IRF3: variants seen among roughly 807,000 people sequenced by gnomAD.
IRF3 encodes interferon regulatory factor 3.
A neutral mutation model predicts 43.2 loss-of-function variants in IRF3; 29 were observed. That is an observed-to-expected ratio of 0.67 (90% CI 0.50 to 0.91). The LOEUF is 0.91. IRF3 is among the 40% of genes least tolerant of loss of function. IRF3 has a pLI of 0.00. For synonymous variants in IRF3, 228 were observed against 233.9 expected (o/e 0.97, Z 0.23); for missense variants, 505 against 559.1 (o/e 0.90, Z 0.98).
intron 2 of IRF3, chr19:49,664,382 C>A: frequency 8.0e-7 from 1 of 1,256,894 alleles, no homozygotes; most frequent in Non-Finnish European, 1.1e-6. Flanking sequence ...ATCCTACAAC[C>A]AAGAGCCCCG....
In IRF3 at chr19:49,661,899, T is replaced by C. The variant is rs1235466525; in HGVS notation, c.982+49A>G. 3.2e-6 allele frequency: 5 copies of C among 1,546,390 alleles called. No homozygotes were observed. In the Admixed American group the frequency reaches 9.5e-5, roughly 29 times the overall value. ...CGGCCAATCCTGAGTTGTTAACCAC[T>C]GTGCAGGCTGCTTTGTACTGGCCAG... On this transcript the variant is annotated intron_variant, in intron 6 of 7. Coordinates refer to ENST00000377139, the MANE Select transcript of IRF3 (RefSeq NM_001571.6).
intron 6 of IRF3, 122 bp downstream of exon 6, chr19:49,661,826 A>C (rs887594012): frequency 1.7e-6 from 2 of 1,199,418 alleles, no homozygotes; most frequent in African/African-American, 3.0e-5. Context: ...TCATCTGCCC[A>C]CCTCAGCCTC....
rs554444747 is a variant in IRF3 at position 49,662,347 on chromosome 19, G to A, written c.602-19C>T. 11 of 1,611,236 alleles carry A rather than the reference G, an allele frequency of 6.8e-6. No individual in the cohort carries two copies. The highest frequency in any genetic ancestry group is 1.7e-4 in the Middle Eastern group (1 of 6,050). ...TCCCACTCTGAGCAGCGGCAGCAGCGGCATGAAGGGGAGAGGGGTTGAGAA... is the reference window on the plus strand; with the variant it reads ...TCCCACTCTGAGCAGCGGCAGCAGCAGCATGAAGGGGAGAGGGGTTGAGAA... On this transcript the variant is annotated intron_variant, in intron 5 of 7. Transcript: ENST00000377139.
intron 2 of IRF3, 28 bp downstream of exon 2, chr19:49,664,646 T>G: frequency 4.3e-6 from 7 of 1,610,296 alleles, no homozygotes; most frequent in Non-Finnish European, 5.9e-6. Context: ...AGCTCCGGGT[T>G]TCCAGCGTCC....
rs1555753000 is a variant in IRF3 at position 49,660,028 on chromosome 19, C to CACACACACACACA, written c.1099-196_1099-195insTGTGTGTGTGTGT. On this transcript the variant is annotated intron_variant, in intron 7 of 7. Coordinates refer to ENST00000377139, the MANE Select transcript of IRF3 (RefSeq NM_001571.6). ...ACACACACACACACACACACACACA[C>CACACACACACACA]CCCCTGCTGTAACTGAACCATAGGC... is the stretch of plus-strand genomic sequence containing the variant. Among the ~76,000 whole-genome samples, 591 of 109,842 alleles carry CACACACACACACA rather than the reference C, an allele frequency of 5.4e-3. 35 individuals carry two copies. The highest frequency in any genetic ancestry group is 0.013 in the Middle Eastern group (3 of 234). The allele number at this position is 109,842 out of a possible 152,430, so 72.1% of individuals were successfully genotyped here.
At chr19:49,664,174 TTTTC>T (rs2081508962) in intron 2 of IRF3, among the ~76,000 whole-genome samples, 1 of 152,090 alleles carries the variant, frequency 6.6e-6, no homozygotes. Context: ...CCCAAAAACC[TTTTC>T]TTTCTAAGCC....
At position 49,659,983 on chromosome 19, in the gene IRF3, T is replaced by TTACACACACACACA. The variant is rs1427202375; in HGVS notation, c.1099-164_1099-151dup. The TTACACACACACACA allele has an allele frequency of 4.8e-4, 190 of 392,358 alleles. 3 individuals carry two copies. The highest frequency in any genetic ancestry group is 3.4e-3 in the African/African-American group (58 of 17,058). The allele number at this position is 392,358 out of a possible 1,614,324, so 24.3% of individuals were successfully genotyped here. A position where few individuals can be genotyped will look rare whatever the true frequency, so the allele number is the denominator to read the frequency against. The stretch of plus-strand genomic sequence containing the variant: ...CCTAGGGCTGCTGGGAGTTGTAGTT[T>TTACACACACACACA]TACACACACACACACACACACACAC... On this transcript the variant is annotated intron_variant, in intron 7 of 7. Coordinates refer to ENST00000377139, the MANE Select transcript of IRF3 (RefSeq NM_001571.6).
chr19:49,659,741 G>C lies in IRF3; in HGVS notation c.1191C>G (p.Asn397Lys), dbSNP rs147048613. ...CGGAGGTGAGGGAGAGTGGGTGGCT[G>C]TTGGAAATGTGCAGGTCCACAGTAT... Reference protein sequence around the residue: ...LENTVDLHISNSHPLSLTSDQ... With the variant: ...LENTVDLHISKSHPLSLTSDQ... Residue 397 changes from asparagine to lysine, a missense_variant, in exon 8 of 8, where the codon AAC becomes AAG. Asn to Lys is a moderately conservative substitution (Grantham distance 94). Transcript: ENST00000377139. 3 of 1,613,802 alleles carry C rather than the reference G, an allele frequency of 1.9e-6. No individual in the cohort carries two copies. The African/African-American group carries it at 4.0e-5, about 22-fold the overall frequency.
chr19:49,659,741 G>A lies in IRF3; in HGVS notation c.1191C>T (p.Asn397=). ...LENTVDLHIS[N]SHPLSLTSDQ... ...CGGAGGTGAGGGAGAGTGGGTGGCT[G>A]TTGGAAATGTGCAGGTCCACAGTAT... is the stretch of plus-strand genomic sequence containing the variant. Residue 397 remains asparagine, a synonymous_variant, in exon 8 of 8, where the codon AAC becomes AAT. Coordinates refer to ENST00000377139, the MANE Select transcript of IRF3 (RefSeq NM_001571.6). 6.2e-7 allele frequency: 1 copy of A among 1,613,920 alleles called. No individual in the cohort carries two copies. The highest frequency in any genetic ancestry group is 8.5e-7 in the Non-Finnish European group (1 of 1,179,918).
chr19:49,663,857 G>A (rs985903492), intron 2 of IRF3: 3 of 279,320 alleles, frequency 1.1e-5, no homozygotes, highest in African/African-American at 6.8e-5. Flanking sequence ...CACTACACCT[G>A]GCTAATTTTT....
At chr19:49,664,455 T>C in intron 2 of IRF3, 1 of 1,518,190 alleles carries the variant, frequency 6.6e-7, no homozygotes, top group South Asian at 1.2e-5. Flanking sequence ...GCTTTCCCGG[T>C]TTTATTCCCG....
Position 49,660,718 on chromosome 19 carries a change from C to T in IRF3, c.1093G>A (p.Val365Ile). The T allele has an allele frequency of 6.3e-7, 1 of 1,597,612 alleles. No homozygotes were observed. The highest frequency in any genetic ancestry group is 8.5e-7 in the Non-Finnish European group (1 of 1,172,600). ...GGACTCAGGTCTGCAGGCACCTTGACCATCACGAGCCTCTTGGTCCACGGC... is the reference window on the plus strand; with the variant it reads ...GGACTCAGGTCTGCAGGCACCTTGATCATCACGAGCCTCTTGGTCCACGGC... ...DQPWTKRLVM[V>I]KVVPTCLRAL... is the part of the protein sequence containing the mutation. Residue 365 changes from valine (V) to isoleucine (I), a missense_variant, in exon 7 of 8, where the codon GTC becomes ATC. Coordinates refer to ENST00000377139, the MANE Select transcript of IRF3 (RefSeq NM_001571.6).
Position 49,662,563 on chromosome 19 carries a change from G to T in IRF3, c.463C>A (p.Pro155Thr), listed in dbSNP as rs888606062. Reference protein sequence around the residue: ...GNMVLAPLPDPGPPSLAVAPE... With the variant: ...GNMVLAPLPDTGPPSLAVAPE... ...GCTACAGCCAGGCTTGGGGGTCCCG[G>T]ATCTGGGAGTGGGGCCAACACCATG... Residue 155 changes from proline (P) to threonine (T), a missense_variant, in exon 5 of 8, where the codon CCG becomes ACG. Coordinates refer to ENST00000377139, the MANE Select transcript of IRF3 (RefSeq NM_001571.6). The T allele has an allele frequency of 2.6e-6, 4 of 1,528,004 alleles. No homozygotes were observed. In the African/African-American group the frequency reaches 5.6e-5, roughly 21 times the overall value. The allele number at this position is 1,528,004 out of a possible 1,614,324, so 94.7% of individuals were successfully genotyped here.
In IRF3 at chr19:49,660,811, C is replaced by G; in HGVS notation, c.1000G>C (p.Glu334Gln). The change falls in exon 7 of 8, where the codon GAA becomes CAA. Residue 334 changes from glutamate to glutamine, a missense_variant. Physicochemically the swap from Glu to Gln is conservative, Grantham distance 29. Transcript: ENST00000377139. The stretch of plus-strand genomic sequence containing the variant: ...TAGCGTGGTGAGCGTCCGCTTCCTT[C>G]CGTGAAGGTAATCAGATCTGGGGGC... ...PFIVDLITFT[E>Q]GSGRSPRYAL... The G allele has an allele frequency of 6.2e-7, 1 of 1,603,534 alleles. No homozygotes were observed. Among genetic ancestry groups the G allele is most frequent in the Non-Finnish European group, 8.5e-7 (1 of 1,175,374 alleles).
In IRF3 at chr19:49,660,763, C is replaced by T. The variant is rs749370315; in HGVS notation, c.1048G>A (p.Glu350Lys). 1.2e-6 allele frequency: 2 copies of T among 1,610,956 alleles called. No individual in the cohort carries two copies. The highest frequency in any genetic ancestry group is 1.1e-5 in the South Asian group (1 of 90,112). ...CACGGCTGGTCCTGGGGCCATGACT[C>T]CCCCACACAGAACCAGAGGGCATAG... is the stretch of plus-strand genomic sequence containing the variant. ...PRYALWFCVGESWPQDQPWTK... is the reference protein window; with the variant it reads ...PRYALWFCVGKSWPQDQPWTK... The change falls in exon 7 of 8, where the codon GAG becomes AAG. Residue 350 changes from glutamate (E) to lysine (K), a missense_variant. By Grantham distance (56) the Glu-to-Lys change is moderately conservative. Coordinates refer to ENST00000377139, the MANE Select transcript of IRF3 (RefSeq NM_001571.6).
chr19:49,660,810 T>C lies in IRF3; in HGVS notation c.1001A>G (p.Glu334Gly). 2.5e-6 allele frequency: 4 copies of C among 1,603,490 alleles called. No homozygotes were observed. The highest frequency in any genetic ancestry group is 3.4e-6 in the Non-Finnish European group (4 of 1,175,368). ...ATAGCGTGGTGAGCGTCCGCTTCCT[T>C]CCGTGAAGGTAATCAGATCTGGGGG... Reference protein sequence around the residue: ...PFIVDLITFTEGSGRSPRYAL... With the variant: ...PFIVDLITFTGGSGRSPRYAL... The change falls in exon 7 of 8, where the codon GAA becomes GGA. Residue 334 changes from glutamate (E) to glycine (G), a missense_variant. Coordinates refer to ENST00000377139, the MANE Select transcript of IRF3 (RefSeq NM_001571.6).
In IRF3 at chr19:49,659,828, C is replaced by T. The variant is rs750897597; in HGVS notation, c.1104G>A (p.Val368=). Residue 368 remains valine (V), a synonymous_variant, in exon 8 of 8, where the codon GTG becomes GTA. Transcript: ENST00000377139. ...CTACCAAGGCCCTGAGGCACGTGGG[C>T]ACAACCTGCAGGGGAAGTGGGGACA... The part of the protein sequence containing the change: ...WTKRLVMVKV[V]PTCLRALVEM... The T allele has an allele frequency of 4.4e-6, 7 of 1,583,118 alleles. No homozygotes were observed. The highest frequency in any genetic ancestry group is 6.0e-6 in the Non-Finnish European group (7 of 1,160,964).
chr19:49,662,066 G>A lies in IRF3; in HGVS notation c.864C>T (p.His288=). The A allele has an allele frequency of 6.2e-7, 1 of 1,613,898 alleles. No individual in the cohort carries two copies. Among genetic ancestry groups the A allele is most frequent in the Non-Finnish European group, 8.5e-7 (1 of 1,179,872 alleles). The change falls in exon 6 of 8, where the codon CAC becomes CAT. Residue 288 remains histidine, a synonymous_variant. Coordinates refer to ENST00000377139, the MANE Select transcript of IRF3 (RefSeq NM_001571.6). ...CGCTCACTGCCCAGTATGTGTGGCAGTGCCCCAGCCGCTGGGCCCAGAGCC... is the reference window on the plus strand; with the variant it reads ...CGCTCACTGCCCAGTATGTGTGGCAATGCCCCAGCCGCTGGGCCCAGAGCC... ...GQWLWAQRLG[H]CHTYWAVSEE... is the part of the protein sequence containing the mutation.
chr19:49,664,735 C>G lies in IRF3; in HGVS notation c.104G>C (p.Arg35Pro). Residue 35 changes from arginine to proline, a missense_variant, in exon 2 of 8, where the codon CGC becomes CCC. Physicochemically the swap from Arg to Pro is moderately radical, Grantham distance 103. Transcript: ENST00000377139. ...AWVNKSRTRF[R>P]IPWKHGLRQD... ...CCGTAGGCCGTGCTTCCAAGGGATG[C>G]GGAAGCGCGTGCGGCTCTTGTTCAC... 6.2e-7 allele frequency: 1 copy of G among 1,614,016 alleles called. No homozygotes were observed. The highest frequency in any genetic ancestry group is 8.5e-7 in the Non-Finnish European group (1 of 1,179,962).
Sources: allele counts gnomAD v4.1 joint callset (sites outside exome capture counted in the v4.1 genomes callset), GRCh38; gene constraint gnomAD v4.1.1; transcripts MANE v1.5; gene names NCBI Gene and HGNC (gene_info 2026-07-23, HGNC 2026-07-21).